Variants in FADD observed in about 807,000 individuals in gnomAD.
The protein encoded by FADD is FAS-associated death domain protein.
FADD carries 3 observed loss-of-function variants against 5.8 expected under a neutral mutation model. The observed-to-expected ratio is 0.52, with a 90% CI of 0.24 to 1.34. The LOEUF (loss-of-function observed/expected upper bound fraction) is 1.34. FADD is among the 40% of genes most tolerant of loss of function. FADD has a pLI of 0.17. For synonymous variants in FADD, 138 were observed against 130.8 expected (o/e 1.06, Z -0.38); for missense variants, 249 against 286.7 (o/e 0.87, Z 0.95).
intron 1 of FADD, among the ~76,000 whole-genome samples, chr11:70,204,122 AT>A (rs1333175860): frequency 1.3e-5 from 2 of 152,212 alleles, no homozygotes; most frequent in African/African-American, 4.8e-5. Flanking sequence ...TAATACTAGC[AT>A]TCAGTAACTC....
chr11:70,206,318 G>A lies in FADD; in HGVS notation c.472G>A (p.Val158Met), dbSNP rs750998874. The part of the protein sequence containing the change: ...WKNTEKENAT[V>M]AHLVGALRSC... ...GAACACAGAGAAGGAGAACGCAACAGTGGCCCACCTGGTGGGGGCTCTCAG... is the reference window on the plus strand; with the variant it reads ...GAACACAGAGAAGGAGAACGCAACAATGGCCCACCTGGTGGGGGCTCTCAG... The change falls in exon 2 of 2, where the codon GTG becomes ATG. Residue 158 changes from valine (V) to methionine (M), a missense_variant. By Grantham distance (21) the Val-to-Met change is conservative (BLOSUM62 1). Transcript: ENST00000301838. 1.4e-5 allele frequency: 22 copies of A among 1,614,104 alleles called. No individual in the cohort carries two copies. The highest frequency in any genetic ancestry group is 1.7e-6 in the Non-Finnish European group (2 of 1,180,048).
chr11:70,205,112 CAG>C (rs754595977), intron 1 of FADD, among the ~76,000 whole-genome samples: 6 of 152,154 alleles, frequency 3.9e-5, no homozygotes, highest in African/African-American at 7.2e-5. Flanking sequence ...CATGGTAACA[CAG>C]TGCCCAGCCC....
In FADD at chr11:70,203,304, C is replaced by T. The variant is rs2049435054; in HGVS notation, c.-156C>T. On this transcript the variant is annotated 5_prime_UTR_variant, in exon 1 of 2. Transcript: ENST00000301838. ...ATAACGGTCGAAAACGCGCTCTTGT[C>T]GATTTCCTGTAGTGAATCAGGCACC... 3.7e-6 allele frequency: 5 copies of T among 1,368,486 alleles called. No individual in the cohort carries two copies. Among genetic ancestry groups the T allele is most frequent in the Admixed American group, 2.9e-5 (1 of 34,038 alleles). The allele number at this position is 1,368,486 out of a possible 1,614,324, so 84.8% of individuals were successfully genotyped here.
In FADD at chr11:70,206,356, G is replaced by GAACCTGGTGGCT; in HGVS notation, c.511_522dup (p.Asn171_Ala174dup). 1 of 1,614,190 alleles carries GAACCTGGTGGCT rather than the reference G, an allele frequency of 6.2e-7. No individual in the cohort carries two copies. The highest frequency in any genetic ancestry group is 8.5e-7 in the Non-Finnish European group (1 of 1,180,034). On this transcript the variant is annotated inframe_insertion, in exon 2 of 2. Transcript: ENST00000301838. The stretch of plus-strand genomic sequence containing the variant: ...TGGGGGCTCTCAGGTCCTGCCAGAT[G>GAACCTGGTGGCT]AACCTGGTGGCTGACCTGGTACAAG...
intron 1 of FADD, among the ~76,000 whole-genome samples, 182 bp from the exon 2 acceptor site, chr11:70,205,951 G>T (rs1223780721): frequency 1.9e-5 from 2 of 106,406 alleles, no homozygotes; most frequent in African/African-American, 6.9e-5. Flanking sequence ...GTGGAATCAG[G>T]CCACTCTTGG....
In FADD at chr11:70,203,565, C is replaced by T; in HGVS notation, c.106C>T (p.Leu36=). The T allele has an allele frequency of 6.2e-7, 1 of 1,612,566 alleles. No homozygotes were observed. The highest frequency in any genetic ancestry group is 8.5e-7 in the Non-Finnish European group (1 of 1,179,670). The change falls in exon 1 of 2, where the codon CTG becomes TTG. Residue 36 remains leucine, a synonymous_variant. Coordinates refer to ENST00000301838, the MANE Select transcript of FADD (RefSeq NM_003824.4). ...LCLGRVGKRK[L]ERVQSGLDLF... The stretch of plus-strand genomic sequence containing the variant: ...CCTCGGGCGCGTGGGCAAGCGCAAG[C>T]TGGAGCGCGTGCAGAGCGGCCTAGA...
chr11:70,203,433 C>A lies in FADD; in HGVS notation c.-27C>A. On this transcript the variant is annotated 5_prime_UTR_variant, in exon 1 of 2. Coordinates refer to ENST00000301838, the MANE Select transcript of FADD (RefSeq NM_003824.4). ...AGAGGGCGCACGGAGGGCCGGGCCG[C>A]AGCCCCGGCCGCTTGCAGACCCCGC... 2 of 1,553,248 alleles carry A rather than the reference C, an allele frequency of 1.3e-6. No individual in the cohort carries two copies. Among genetic ancestry groups the A allele is most frequent in the African/African-American group, 2.7e-5 (2 of 72,830 alleles).
In FADD at chr11:70,206,127, T is replaced by G; in HGVS notation, c.287-6T>G. 6.2e-7 allele frequency: 1 copy of G among 1,612,904 alleles called. No individual in the cohort carries two copies. The highest frequency in any genetic ancestry group is 8.5e-7 in the Non-Finnish European group (1 of 1,179,152). On this transcript the variant is annotated splice_region_variant and splice_polypyrimidine_tract_variant and intron_variant, in intron 1 of 1. Transcript: ENST00000301838. ...ATGGTAAACCGTTCTGTTCTTTCCTTCCCAGACCTGTGTGCAGCATTTAAC... is the reference window on the plus strand; with the variant it reads ...ATGGTAAACCGTTCTGTTCTTTCCTGCCCAGACCTGTGTGCAGCATTTAAC...
chr11:70,206,341 C>G lies in FADD; in HGVS notation c.495C>G (p.Leu165=). 1 of 1,614,180 alleles carries G rather than the reference C, an allele frequency of 6.2e-7. No individual in the cohort carries two copies. ...CAGTGGCCCACCTGGTGGGGGCTCT[C>G]AGGTCCTGCCAGATGAACCTGGTGG... ...NATVAHLVGA[L]RSCQMNLVAD... Residue 165 remains leucine (L), a synonymous_variant, in exon 2 of 2, where the codon CTC becomes CTG. Coordinates refer to ENST00000301838, the MANE Select transcript of FADD (RefSeq NM_003824.4).
chr11:70,204,943 G>A (rs2049448299), intron 1 of FADD, among the ~76,000 whole-genome samples: 1 of 152,136 alleles, frequency 6.6e-6, no homozygotes, highest in Non-Finnish European at 1.5e-5. Context: ...GGTAGCGGGC[G>A]ACTCTGCCTT....
At chr11:70,205,301 G>A (rs113490453) in intron 1 of FADD, among the ~76,000 whole-genome samples, 7 of 152,308 alleles carry the variant, frequency 4.6e-5, no homozygotes, top group African/African-American at 1.7e-4. Flanking sequence ...CAGATGAGGA[G>A]TATGGTAGCC....
At chr11:70,205,166 G>C (rs561156598) in intron 1 of FADD, among the ~76,000 whole-genome samples, 5 of 152,264 alleles carry the variant, frequency 3.3e-5, no homozygotes, top group South Asian at 2.1e-4. Flanking sequence ...ACCTGCCAAC[G>C]GTGTCTCAGA....
In FADD at chr11:70,206,149, T is replaced by C. The variant is rs769168387; in HGVS notation, c.303T>C (p.Phe101=). 1.2e-6 allele frequency: 2 copies of C among 1,613,930 alleles called. No homozygotes were observed. The highest frequency in any genetic ancestry group is 2.7e-5 in the African/African-American group (2 of 74,902). Residue 101 remains phenylalanine (F), a synonymous_variant, in exon 2 of 2, where the codon TTT becomes TTC. Transcript: ENST00000301838. ...APGEEDLCAA[F]NVICDNVGKD... ...CCTTCCCAGACCTGTGTGCAGCATT[T>C]AACGTCATATGTGATAATGTGGGGA...
chr11:70,203,767 G>T (rs2135898247), intron 1 of FADD, 22 bp downstream of exon 1: 2 of 1,207,672 alleles, frequency 1.7e-6, no homozygotes, highest in Non-Finnish European at 2.1e-6. Flanking sequence ...GCCGGGCCGG[G>T]GGAGCCAGGG....
rs1328279544 is a variant in FADD at position 70,204,860 on chromosome 11, A to G, written c.286+1115A>G. ...TTGAGATGTATGTGTGCTTGGTTTT[A>G]TTTATATCGTCATGTAGTTACTGTG... On this transcript the variant is annotated intron_variant, in intron 1 of 1. Coordinates refer to ENST00000301838, the MANE Select transcript of FADD (RefSeq NM_003824.4). Among the ~76,000 whole-genome samples the G allele has an allele frequency of 2.0e-5, 3 of 152,162 alleles. No homozygotes were observed. In the East Asian group the frequency reaches 5.8e-4, roughly 29 times the overall value.
chr11:70,206,472 G>A lies in FADD; in HGVS notation c.626G>A (p.Ter209=), dbSNP rs777438480. The change falls in exon 2 of 2, where the codon TGA becomes TAA. Residue 209 remains the stop codon, a stop_retained_variant. Transcript: ENST00000301838. ...NSDASTSEAS[*] ...GACGCATCTACCTCCGAAGCGTCCT[G>A]ATGGGCCGCTGCTTTGCGCTGGTGG... 1.3e-5 allele frequency: 21 copies of A among 1,612,728 alleles called. No individual in the cohort carries two copies. In the South Asian group the frequency reaches 2.3e-4, roughly 18 times the overall value.
Position 70,203,351 on chromosome 11 carries a change from A to T in FADD, c.-109A>T. On this transcript the variant is annotated 5_prime_UTR_variant, in exon 1 of 2. Transcript: ENST00000301838. ...CACCGGAGTGCAGGTTCGGGGGTGG[A>T]ATCCTTGGGCCGCTGGGCAAGCGGC... 1 of 1,515,762 alleles carries T rather than the reference A, an allele frequency of 6.6e-7. No homozygotes were observed. Among genetic ancestry groups the T allele is most frequent in the Non-Finnish European group, 8.8e-7 (1 of 1,133,430 alleles). The allele number at this position is 1,515,762 out of a possible 1,614,324, so 93.9% of individuals were successfully genotyped here.
At chr11:70,205,057 A>G (rs1465954604) in intron 1 of FADD, among the ~76,000 whole-genome samples, 1 of 152,206 alleles carries the variant, frequency 6.6e-6, no homozygotes, top group Non-Finnish European at 1.5e-5. Context: ...GATCTCAGGA[A>G]TGTCCATTAG....
chr11:70,204,710 T>TA (rs1160480431), intron 1 of FADD, among the ~76,000 whole-genome samples: 8 of 152,144 alleles, frequency 5.3e-5, no homozygotes, highest in South Asian at 2.1e-4. Context: ...GTCCAGATTT[T>TA]AAAAAAAATC....
Sources: gnomAD v4.1 joint callset for allele counts (sites outside exome capture counted in the v4.1 genomes callset) on GRCh38, gnomAD v4.1.1 for gene constraint, MANE v1.5 for transcripts, NCBI Gene and HGNC (gene_info 2026-07-23, HGNC 2026-07-21) for gene names.